The following EFS variants were observed in gnomAD, a reference collection of about 807,000 sequenced individuals.
The protein encoded by EFS is embryonal Fyn-associated substrate.
EFS carries 34 observed loss-of-function variants against 42.2 expected under a neutral mutation model. The observed-to-expected ratio is 0.81, with a 90% CI of 0.61 to 1.07. The LOEUF (loss-of-function observed/expected upper bound fraction) is 1.07, where lower values mean the gene tolerates loss of function less well. EFS is among the 50% of genes least tolerant of loss of function. The pLI is 0.00. For synonymous variants in EFS, 299 were observed against 320.7 expected (o/e 0.93, Z 0.72); for missense variants, 717 against 729.4 (o/e 0.98, Z 0.20).
intron 3 of EFS, 21 bp downstream of exon 3, chr14:23,360,120 A>G (rs1487198841): frequency 1.2e-6 from 2 of 1,614,108 alleles, no homozygotes; most frequent in East Asian, 2.2e-5. Context: ...CCCAACATAC[A>G]CAGGGACCTC....
At chr14:23,363,933 C>CA (rs142088064) in intron 1 of EFS, among the ~76,000 whole-genome samples, 21,985 of 116,556 alleles carry the variant, frequency 0.19, 1,892 homozygotes, top group African/African-American at 0.28. Context: ...GACCTTGTCT[C>CA]AAAAAAAAAA....
At position 23,357,343 on chromosome 14, in the gene EFS, C is replaced by T; in HGVS notation, c.1569G>A (p.Lys523=). The T allele has an allele frequency of 6.2e-7, 1 of 1,611,722 alleles. No individual in the cohort carries two copies. The highest frequency in any genetic ancestry group is 1.1e-5 in the South Asian group (1 of 90,952). The change falls in exon 6 of 6, where the codon AAG becomes AAA. Residue 523 remains lysine, a synonymous_variant. Transcript: ENST00000216733. ...TGGATGGGTAGCCCAGGGCAGCTCC[C>T]TTGACAGCCAGCACAGTGGCCCGCA... ...QALRATVLAV[K]GAALGYPSSP... is the part of the protein sequence containing the mutation.
In EFS at chr14:23,357,622, G is replaced by A. The variant is rs538486422; in HGVS notation, c.1290C>T (p.Thr430=). The change falls in exon 6 of 6, where the codon ACC becomes ACT. Residue 430 remains threonine, a synonymous_variant. Coordinates refer to ENST00000216733, the MANE Select transcript of EFS (RefSeq NM_005864.4). ...AGAAGTACAGGAGCTGCAGATCTCC[G>A]GTGGACACAACCAGTGGCTCCCCTG... ...LSPGEPLVVS[T]GDLQLLYFYA... is the part of the protein sequence containing the mutation. The A allele has an allele frequency of 5.0e-5, 78 of 1,559,380 alleles. No homozygotes were observed. Among genetic ancestry groups the A allele is most frequent in the South Asian group, 4.3e-4 (36 of 83,096 alleles).
Position 23,359,504 on chromosome 14 carries a change from G to C in EFS, c.974C>G (p.Ala325Gly), listed in dbSNP as rs760603122. The C allele has an allele frequency of 1.9e-6, 3 of 1,564,658 alleles. No individual in the cohort carries two copies. The South Asian group carries it at 3.6e-5, about 19-fold the overall frequency. ...CTGGATGCTGCCCTTCCGGCCTGGG[G>C]CAGGAGAGGGCACTGGGGAGGGGCT... ...APSPSPVPSP[A>G]PGRKGSIQDR... is the part of the protein sequence containing the mutation. The change falls in exon 4 of 6, where the codon GCC becomes GGC. Residue 325 changes from alanine to glycine, a missense_variant. Transcript: ENST00000216733.
intron 1 of EFS, 62 bp from the exon 2 acceptor site, chr14:23,360,895 C>CT (rs1890132141): frequency 6.8e-7 from 1 of 1,481,468 alleles, no homozygotes; most frequent in South Asian, 1.3e-5. Flanking sequence ...CACGTCACCC[C>CT]TGCTTAGAAC....
At chr14:23,360,521 T>C in intron 2 of EFS, 34 bp downstream of exon 2, 1 of 1,520,656 alleles carries the variant, frequency 6.6e-7, no homozygotes, top group South Asian at 1.3e-5. Context: ...ATGGGGCTCT[T>C]CTGGCTTGGG....
rs1444114612 is a variant in EFS at position 23,360,678 on chromosome 14, C to T, written c.174G>A (p.Val58=). 7 of 1,613,756 alleles carry T rather than the reference C, an allele frequency of 4.3e-6. No homozygotes were observed. Among genetic ancestry groups the T allele is most frequent in the Non-Finnish European group, 5.9e-6 (7 of 1,179,938 alleles). ...LCSLHGQQGI[V]PANRVKLLPA... The stretch of plus-strand genomic sequence containing the variant: ...GCAAGAGCTTCACCCTGTTGGCGGG[C>T]ACAATGCCCTGCTGGCCGTGTAGGG... Residue 58 remains valine (V), a synonymous_variant, in exon 2 of 6, where the codon GTG becomes GTA. Transcript: ENST00000216733.
Position 23,358,868 on chromosome 14 carries a change from A to C in EFS, c.1251+8T>G, listed in dbSNP as rs774834604. The C allele has an allele frequency of 1.9e-6, 3 of 1,606,732 alleles. No individual in the cohort carries two copies. The highest frequency in any genetic ancestry group is 2.5e-6 in the Non-Finnish European group (3 of 1,176,744). On this transcript the variant is annotated splice_region_variant and intron_variant, in intron 5 of 5. Coordinates refer to ENST00000216733, the MANE Select transcript of EFS (RefSeq NM_005864.4). ...CCCCTTCTCTAGCACCATTCCCGCC[A>C]GGGTCACCTGCGGCGCCGGCATCCC...
At chr14:23,362,421 T>C (rs1890183073) in intron 1 of EFS, among the ~76,000 whole-genome samples, 2 of 152,208 alleles carry the variant, frequency 1.3e-5, no homozygotes, top group African/African-American at 4.8e-5. Context: ...GGAGTGCATA[T>C]TCCTCTTAGC....
At chr14:23,360,117 T>A (rs201671883) in intron 3 of EFS, 24 bp downstream of exon 3, 437 of 1,614,132 alleles carry the variant, frequency 2.7e-4, no homozygotes, top group Middle Eastern at 9.9e-4. Flanking sequence ...CCACCCAACA[T>A]ACACAGGGAC....
In EFS at chr14:23,359,452, G is replaced by C. The variant is rs1218153613; in HGVS notation, c.1026C>G (p.Pro342=). ...IQDRPLPPPP[P]RLPGYGGPKV... ...TGGGGCCTCCATAACCAGGCAGGCG[G>C]GGTGGGGGTGGGGGCAGAGGCCGGT... is the stretch of plus-strand genomic sequence containing the variant. The change falls in exon 4 of 6, where the codon CCC becomes CCG. Residue 342 remains proline, a synonymous_variant. Coordinates refer to ENST00000216733, the MANE Select transcript of EFS (RefSeq NM_005864.4). The C allele has an allele frequency of 1.9e-6, 3 of 1,604,628 alleles. No individual in the cohort carries two copies. The highest frequency in any genetic ancestry group is 2.6e-6 in the Non-Finnish European group (3 of 1,175,972).
At position 23,357,448 on chromosome 14, in the gene EFS, C is replaced by T; in HGVS notation, c.1464G>A (p.Gly488=). ...AGGCTGCCAGCCGGCCCAGGGTGTCCCCAACAAACACCAGGCGATGAGCAG... is the reference window on the plus strand; with the variant it reads ...AGGCTGCCAGCCGGCCCAGGGTGTCTCCAACAAACACCAGGCGATGAGCAG... ...VVAAHRLVFV[G]DTLGRLAASA... Residue 488 remains glycine, a synonymous_variant, in exon 6 of 6, where the codon GGG becomes GGA. Coordinates refer to ENST00000216733, the MANE Select transcript of EFS (RefSeq NM_005864.4). 6.2e-7 allele frequency: 1 copy of T among 1,613,824 alleles called. No homozygotes were observed. Among genetic ancestry groups the T allele is most frequent in the East Asian group, 2.2e-5 (1 of 44,888 alleles).
chr14:23,361,940 AC>A (rs1192843588), intron 1 of EFS, among the ~76,000 whole-genome samples: 2 of 152,192 alleles, frequency 1.3e-5, no homozygotes, highest in African/African-American at 4.8e-5. Context: ...CATAATCTGA[AC>A]CCTAAGCTGC....
intron 5 of EFS, among the ~76,000 whole-genome samples, chr14:23,358,232 T>G (rs1338684058): frequency 6.6e-6 from 1 of 152,212 alleles, no homozygotes; most frequent in East Asian, 1.9e-4. Flanking sequence ...AGTTCTAGTA[T>G]GTACCTCATG....
In EFS at chr14:23,359,661, C is replaced by T. The variant is rs751908173; in HGVS notation, c.817G>A (p.Ala273Thr). The change falls in exon 4 of 6, where the codon GCC (alanine) becomes ACC (threonine). Residue 273 changes from alanine to threonine, a missense_variant. By Grantham distance (58) the Ala-to-Thr change is moderately conservative. Coordinates refer to ENST00000216733, the MANE Select transcript of EFS (RefSeq NM_005864.4). The stretch of plus-strand genomic sequence containing the variant: ...GCCAGGGTGTCCTGGTCATGGGAGG[C>T]CAAGGCTCCAGGGGGCTCTGGAGAA... ...PPSPEPPGALASHDQDTLAQL... is the reference protein window; with the variant it reads ...PPSPEPPGALTSHDQDTLAQL... 66 of 1,508,940 alleles carry T rather than the reference C, an allele frequency of 4.4e-5. No individual in the cohort carries two copies. The highest frequency in any genetic ancestry group is 5.7e-5 in the Non-Finnish European group (64 of 1,131,102). 93.5% of individuals were successfully genotyped at this position (1,508,940 alleles called of 1,614,324 possible).
In EFS at chr14:23,358,819, A is replaced by AGTCCCCATTCCTCCCTCCCCT. The variant is rs1421362990; in HGVS notation, c.1251+36_1251+56dup. 1.4e-5 allele frequency: 20 copies of AGTCCCCATTCCTCCCTCCCCT among 1,479,286 alleles called. No homozygotes were observed. In the African/African-American group the frequency reaches 2.0e-4, roughly 15 times the overall value. 91.6% of individuals were successfully genotyped at this position (1,479,286 alleles called of 1,614,324 possible). On this transcript the variant is annotated intron_variant, in intron 5 of 5. Coordinates refer to ENST00000216733, the MANE Select transcript of EFS (RefSeq NM_005864.4). ...GGTTGATGGCTCAGTTCTTCTCCCA[A>AGTCCCCATTCCTCCCTCCCCT]GTCCCCATTCCTCCCTCCCCTGTCC...
At chr14:23,362,092 G>T (rs566841239) in intron 1 of EFS, among the ~76,000 whole-genome samples, 6 of 152,342 alleles carry the variant, frequency 3.9e-5, no homozygotes, top group African/African-American at 1.4e-4. Context: ...GCATAGGAAA[G>T]CCTTCTTATA....
chr14:23,362,249 G>A (rs1890177527), intron 1 of EFS, among the ~76,000 whole-genome samples: 1 of 152,224 alleles, frequency 6.6e-6, no homozygotes, highest in Non-Finnish European at 1.5e-5. Context: ...TAGGATCCCA[G>A]GCAGTGGTGA....
intron 1 of EFS, among the ~76,000 whole-genome samples, chr14:23,363,502 C>G (rs1890221673): frequency 6.6e-6 from 1 of 152,148 alleles, no homozygotes; most frequent in African/African-American, 2.4e-5. Flanking sequence ...AATCTACATT[C>G]TTGGGACTAC....
Sources: gnomAD v4.1 joint callset for allele counts (sites outside exome capture counted in the v4.1 genomes callset) on GRCh38, gnomAD v4.1.1 for gene constraint, MANE v1.5 for transcripts, NCBI Gene and HGNC (gene_info 2026-07-23, HGNC 2026-07-21) for gene names.